Variants in CPNE8 observed in about 807,000 individuals in gnomAD.
The protein encoded by CPNE8 is copine-8.
Under a neutral mutation model 81.5 loss-of-function variants are expected in CPNE8, and 45 were observed. The observed-to-expected ratio is 0.55, with a 90% CI of 0.44 to 0.71. CPNE8 has a LOEUF of 0.71. CPNE8 is among the 30% of genes least tolerant of loss of function. The pLI is 0.00. For synonymous variants in CPNE8, 252 were observed against 226.3 expected (o/e 1.11, Z -1.02); for missense variants, 594 against 672.1 (o/e 0.88, Z 1.28).
chr12:38,671,379 A>G (rs1939172637), intron 18 of CPNE8, among the ~76,000 whole-genome samples: 1 of 152,168 alleles, frequency 6.6e-6, no homozygotes, highest in African/African-American at 2.4e-5. Context: ...TGGATAAAGT[A>G]TGATTTTTCT....
chr12:38,676,364 C>A, intron 17 of CPNE8: 1 of 921,898 alleles, frequency 1.1e-6, no homozygotes, highest in Non-Finnish European at 1.3e-6. Flanking sequence ...GGAGCATCTA[C>A]TTCCACTTTC....
intron 10 of CPNE8, among the ~76,000 whole-genome samples, chr12:38,750,094 G>T (rs1229074569): frequency 6.6e-6 from 1 of 152,038 alleles, no homozygotes; most frequent in East Asian, 2.0e-4. Flanking sequence ...CTTCAGCTTG[G>T]ACTAAAAGAG....
intron 6 of CPNE8, among the ~76,000 whole-genome samples, chr12:38,796,576 C>T (rs1006106188): frequency 3.3e-5 from 5 of 152,042 alleles, no homozygotes; most frequent in African/African-American, 7.2e-5. Context: ...CCAAGATGGC[C>T]GAATAGGAAC....
intron 3 of CPNE8, among the ~76,000 whole-genome samples, chr12:38,856,614 C>T (rs761865332): frequency 3.3e-5 from 5 of 151,980 alleles, no homozygotes; most frequent in South Asian, 2.1e-4. Flanking sequence ...TATTCTGAAT[C>T]GATAAAATAA....
intron 6 of CPNE8, among the ~76,000 whole-genome samples, chr12:38,795,193 C>A (rs575328594): frequency 1.3e-5 from 2 of 152,288 alleles, no homozygotes; most frequent in East Asian, 3.9e-4. Flanking sequence ...ACCTGCAGAC[C>A]ACTTATCGTG....
chr12:38,900,011 G>A (rs1944436262), intron 1 of CPNE8, among the ~76,000 whole-genome samples: 1 of 152,066 alleles, frequency 6.6e-6, no homozygotes, highest in African/African-American at 2.4e-5. Flanking sequence ...CAATTAGGAA[G>A]TTATAACCTT....
At chr12:38,843,405 A>C (rs1481557490) in intron 4 of CPNE8, among the ~76,000 whole-genome samples, 3 of 152,278 alleles carry the variant, frequency 2.0e-5, no homozygotes, top group African/African-American at 7.2e-5. Context: ...CAGGTGATGA[A>C]CACACTATTC....
At chr12:38,724,703 C>G in intron 12 of CPNE8, 143 bp downstream of exon 12, 1 of 548,508 alleles carries the variant, frequency 1.8e-6, no homozygotes. Context: ...GTTGATTTTT[C>G]TATTGTGTTC....
intron 6 of CPNE8, among the ~76,000 whole-genome samples, chr12:38,815,135 C>CCTA (rs1417459616): frequency 6.6e-6 from 1 of 152,170 alleles, no homozygotes; most frequent in Non-Finnish European, 1.5e-5. Flanking sequence ...ACTGCAGGAT[C>CCTA]CTACTACAGA....
At chr12:38,704,197 C>T (rs948779530) in intron 13 of CPNE8, among the ~76,000 whole-genome samples, 1 of 152,124 alleles carries the variant, frequency 6.6e-6, no homozygotes, top group Admixed American at 6.6e-5. Context: ...ACCTTAACCT[C>T]AGCATCACAC....
At chr12:38,669,433 A>C (rs943040463) in intron 19 of CPNE8, among the ~76,000 whole-genome samples, 1 of 152,050 alleles carries the variant, frequency 6.6e-6, no homozygotes, top group African/African-American at 2.4e-5. Flanking sequence ...TTTTATATGC[A>C]TTATCTCACT....
At chr12:38,693,255 C>T (rs1939719384) in intron 15 of CPNE8, among the ~76,000 whole-genome samples, 2 of 152,136 alleles carry the variant, frequency 1.3e-5, no homozygotes, top group Non-Finnish European at 2.9e-5. Flanking sequence ...GCATCTCTAG[C>T]CATTCAAGTC....
rs1277950465 is a variant in CPNE8, at chr12:38,693,709, C to G, written c.1091G>C (p.Gly364Ala). The G allele has an allele frequency of 6.2e-7, 1 of 1,613,446 alleles. No homozygotes were observed. The change falls in exon 15 of 20, where the codon GGA becomes GCA. Residue 364 changes from glycine (G) to alanine (A), a missense_variant. By Grantham distance (60) the Gly-to-Ala change is moderately conservative (BLOSUM62 0). Coordinates refer to ENST00000331366, the MANE Select transcript of CPNE8 (RefSeq NM_153634.3). Reference sequence around the variant, plus strand: ...ATCTGGAGGCAGTTTTGCACCAAATCCTAGAGCTGGAAACATTTTATCACT... The same window carrying G: ...ATCTGGAGGCAGTTTTGCACCAAATGCTAGAGCTGGAAACATTTTATCACT... ...YDSDKMFPAL[G>A]FGAKLPPDGR...
chr12:38,671,043 C>T (rs1939163405), intron 18 of CPNE8: 4 of 413,334 alleles, frequency 9.7e-6, no homozygotes, highest in Non-Finnish European at 1.7e-5. Flanking sequence ...CAGAGCCAGT[C>T]TCTGGGTCTA....
intron 10 of CPNE8, among the ~76,000 whole-genome samples, chr12:38,747,195 G>T (rs1340803066): frequency 6.6e-6 from 1 of 152,208 alleles, no homozygotes; most frequent in Non-Finnish European, 1.5e-5. Context: ...ACCAATATTT[G>T]TAGCTATTGC....
intron 1 of CPNE8, among the ~76,000 whole-genome samples, chr12:38,897,352 TATCCCCAGGAAAAA>T (rs1487472758): frequency 6.6e-6 from 1 of 152,072 alleles, no homozygotes; most frequent in Non-Finnish European, 1.5e-5. Flanking sequence ...TCTAGAAAAC[TATCCCCAGGAAAAA>T]AAAGTAACCA....
At chr12:38,668,669 G>A (rs993297374) in intron 19 of CPNE8, among the ~76,000 whole-genome samples, 1 of 152,054 alleles carries the variant, frequency 6.6e-6, no homozygotes, top group Non-Finnish European at 1.5e-5. Flanking sequence ...AAATATTCTA[G>A]AGAGCTTTTA....
At chr12:38,728,119 A>G (rs1008470916) in intron 11 of CPNE8, among the ~76,000 whole-genome samples, 70 of 152,196 alleles carry the variant, frequency 4.6e-4, no homozygotes, top group African/African-American at 1.5e-3. Flanking sequence ...CTGATTTCCA[A>G]TGTGCTGCAT....
chr12:38,841,032 A>G (rs1306131165), intron 4 of CPNE8, among the ~76,000 whole-genome samples: 3 of 152,186 alleles, frequency 2.0e-5, no homozygotes, highest in Non-Finnish European at 4.4e-5. Flanking sequence ...CCTCTCTCAC[A>G]TAAGAATGTT....
Sources: gnomAD v4.1 joint callset for allele counts (sites outside exome capture counted in the v4.1 genomes callset) on GRCh38, gnomAD v4.1.1 for gene constraint, MANE v1.5 for transcripts, NCBI Gene and HGNC (gene_info 2026-07-23, HGNC 2026-07-21) for gene names.